The following ANK3 variants were observed in gnomAD, a reference collection of about 807,000 sequenced individuals.
ANK3 encodes ankyrin-3.
A neutral mutation model predicts 370.9 loss-of-function variants in ANK3; 57 were observed. The ratio of observed to expected loss-of-function variants is 0.15; its 90% confidence interval spans 0.12 to 0.19. ANK3 has a LOEUF of 0.19. Ranked by LOEUF, ANK3 falls within the 10% of genes least tolerant of loss-of-function variation. ANK3 has a pLI of 1.00. For synonymous variants in ANK3, 1,929 were observed against 1,946.3 expected, an observed-to-expected ratio of 0.99 and a Z score of 0.23; for missense variants, 4,439 against 5,302.1, an observed-to-expected ratio of 0.84 and a Z score of 5.06.
intron 2 of ANK3, among the ~76,000 whole-genome samples, chr10:60,458,399 T>C (rs1340386658): frequency 6.6e-6 from 1 of 152,090 alleles, no homozygotes; most frequent in African/African-American, 2.4e-5. Context: ...CTGGTACACC[T>C]TAGGTTACTG....
intron 40 of ANK3, 65 bp from the exon 41 acceptor site, chr10:60,059,495 TTC>T (rs2079906388): frequency 7.1e-7 from 1 of 1,403,766 alleles, no homozygotes; most frequent in African/African-American, 1.4e-5. Flanking sequence ...GTACTTTTTC[TTC>T]TGTCATCTCC....
intron 23 of ANK3, among the ~76,000 whole-genome samples, chr10:60,161,351 T>A (rs1016547669): frequency 1.3e-5 from 2 of 151,944 alleles, no homozygotes; most frequent in Non-Finnish European, 2.9e-5. Flanking sequence ...AAGAATAGAA[T>A]ACCATATGAT....
At chr10:60,632,912 A>AC (rs2078504154) in intron 1 of ANK3, among the ~76,000 whole-genome samples, 4 of 88,948 alleles carry the variant, frequency 4.5e-5, no homozygotes, top group African/African-American at 1.0e-4. Context: ...ACAAAAAAAA[A>AC]ACCATACTTA....
intron 1 of ANK3, among the ~76,000 whole-genome samples, chr10:60,692,482 C>T (rs745337826): frequency 5.3e-5 from 8 of 152,154 alleles, no homozygotes; most frequent in Admixed American, 3.3e-4. Context: ...CTAGTTTTCC[C>T]TAAAACTGAT....
rs556322022 is a variant in ANK3, at chr10:60,688,083, C to CT, written c.57+45179dup. 1.4e-3 allele frequency among the ~76,000 whole-genome samples: 202 copies of CT among 147,202 alleles called. No individual in the cohort carries two copies. In the South Asian group the frequency reaches 0.019, roughly 14 times the overall value. The stretch of plus-strand genomic sequence containing the variant: ...GGAGAGGAAAATGAAGAATTACTAA[C>CT]TTTTTTTTTTTTGAGACCTTTCCTT... On this transcript the variant is annotated intron_variant, in intron 1 of 43. Transcript: ENST00000373827.
Position 60,073,518 on chromosome 10 carries a change from C to G in ANK3, c.7363G>C (p.Glu2455Gln), listed in dbSNP as rs797045237. ...SIEYHDDELS[E>Q]LRGESYRFAE... is the part of the protein sequence containing the mutation. ...AACCTGTAAGACTCCCCTCTTAGTT[C>G]TGACAACTCATCGTCATGGTATTCT... is the stretch of plus-strand genomic sequence containing the variant. Residue 2455 changes from glutamate (E) to glutamine (Q), a missense_variant, in exon 37 of 44, where the codon GAA becomes CAA. By Grantham distance (29) the Glu-to-Gln change is conservative (BLOSUM62 2). Coordinates refer to ENST00000280772, the MANE Select transcript of ANK3 (RefSeq NM_020987.5). 2 of 1,614,062 alleles carry G rather than the reference C, an allele frequency of 1.2e-6. No homozygotes were observed. Among genetic ancestry groups the G allele is most frequent in the Non-Finnish European group, 1.7e-6 (2 of 1,179,998 alleles).
At chr10:60,605,153 C>A (rs1188568483) in intron 2 of ANK3, among the ~76,000 whole-genome samples, 3 of 151,648 alleles carry the variant, frequency 2.0e-5, no homozygotes, top group Non-Finnish European at 4.4e-5. Flanking sequence ...GCCTGGTAAA[C>A]GTGATCAGTA....
Position 60,492,721 on chromosome 10 carries a change from A to AAAAG in ANK3, c.96+122461_96+122464dup, listed in dbSNP as rs1208590920. Among the ~76,000 whole-genome samples the AAAAG allele has an allele frequency of 2.8e-5, 4 of 141,882 alleles. No homozygotes were observed. In the East Asian group the frequency reaches 8.1e-4, roughly 29 times the overall value. The allele number at this position is 141,882 out of a possible 152,430, so 93.1% of individuals were successfully genotyped here. A position where few individuals can be genotyped will look rare whatever the true frequency, so the allele number is the denominator to read the frequency against. On this transcript the variant is annotated intron_variant, in intron 2 of 43. Coordinates refer to the ANK3 transcript ENST00000373827. ...GACTCTGTCTCAAAAAAAAAAAAAA[A>AAAAG]AAAGAAAGAAAGAAAGAAAAAAAAA...
rs1317592425 is a variant in ANK3, at chr10:60,701,033, G to T, written c.57+32230C>A. On this transcript the variant is annotated intron_variant, in intron 1 of 43. Transcript: ENST00000373827. ...ATATGATTTACATCACAAATGAAGG[G>T]ATTATTTGTTATACATAAATAATTT... 2.6e-5 allele frequency among the ~76,000 whole-genome samples: 4 copies of T among 151,808 alleles called. No individual in the cohort carries two copies. The East Asian group carries it at 5.8e-4, about 22-fold the overall frequency.
intron 1 of ANK3, among the ~76,000 whole-genome samples, chr10:60,699,553 T>G (rs2079518046): frequency 6.6e-6 from 1 of 152,068 alleles, no homozygotes; most frequent in African/African-American, 2.4e-5. Flanking sequence ...TTAAAGCCTA[T>G]GTTCATAGAA....
rs1236918098 is a variant in ANK3, at chr10:60,696,766, G to A, written c.57+36497C>T. 4.1e-5 allele frequency among the ~76,000 whole-genome samples: 6 copies of A among 145,020 alleles called. No homozygotes were observed. In the East Asian group the frequency reaches 1.2e-3, roughly 29 times the overall value. On this transcript the variant is annotated intron_variant, in intron 1 of 43. Coordinates refer to the ANK3 transcript ENST00000373827. The stretch of plus-strand genomic sequence containing the variant: ...TGGGACGTATTTCAAAATAATAAGA[G>A]CTATCTATGACAAACCCACAGCCAA...
At position 60,076,184 on chromosome 10, in the gene ANK3, T is replaced by C. The variant is rs759776534; in HGVS notation, c.4697A>G (p.Asp1566Gly). Residue 1566 changes from aspartate to glycine, a missense_variant, in exon 37 of 44, where the codon GAC becomes GGC. Coordinates refer to ENST00000280772, the MANE Select transcript of ANK3 (RefSeq NM_020987.5). The part of the protein sequence containing the change: ...STTSSVKSIS[D>G]VASPIRSFRT... ...AAAGGATCTAATTGGAGATGCCACGTCACTAATGGATTTAACTGAAGATGT... is the reference window on the plus strand; with the variant it reads ...AAAGGATCTAATTGGAGATGCCACGCCACTAATGGATTTAACTGAAGATGT... 6.2e-7 allele frequency: 1 copy of C among 1,614,188 alleles called. No homozygotes were observed. Among genetic ancestry groups the C allele is most frequent in the Admixed American group, 1.7e-5 (1 of 60,026 alleles).
At chr10:60,469,222 C>CAT (rs200328744) in intron 2 of ANK3, among the ~76,000 whole-genome samples, 205 of 10,514 alleles carry the variant, frequency 0.019, 39 homozygotes, top group Non-Finnish European at 0.029. Context: ...ACTTTTAGTG[C>CAT]ATATATATAT....
rs1391268031 is a variant in ANK3 at position 60,389,753 on chromosome 10, C to G, written c.-215G>C. ...TCCGGACTTCATCCTACACCTTCCT[C>G]TACCTGAACCTTTACAGGAGAGTGC... is the stretch of plus-strand genomic sequence containing the variant. On this transcript the variant is annotated 5_prime_UTR_variant, in exon 1 of 44. Coordinates refer to ENST00000280772, the MANE Select transcript of ANK3 (RefSeq NM_020987.5). 7.1e-7 allele frequency: 1 copy of G among 1,401,218 alleles called. No individual in the cohort carries two copies. The highest frequency in any genetic ancestry group is 1.5e-5 in the African/African-American group (1 of 68,826). 86.8% of individuals were successfully genotyped at this position (1,401,218 alleles called of 1,614,324 possible).
chr10:60,638,944 A>G (rs1363976088), intron 1 of ANK3, among the ~76,000 whole-genome samples: 1 of 150,658 alleles, frequency 6.6e-6, no homozygotes, highest in East Asian at 1.9e-4. Flanking sequence ...GAAAGGGGGG[A>G]GAAGTACAAA....
chr10:60,101,129 T>C lies in ANK3; in HGVS notation c.3328+4776A>G, dbSNP rs1426974595. Among the ~76,000 whole-genome samples the C allele has an allele frequency of 2.0e-5, 3 of 152,176 alleles. No homozygotes were observed. In the East Asian group the frequency reaches 5.8e-4, roughly 29 times the overall value. On this transcript the variant is annotated intron_variant, in intron 28 of 43. Coordinates refer to ENST00000280772, the MANE Select transcript of ANK3 (RefSeq NM_020987.5). ...AATGTGTAACCAATGTAAAAATTAATAATGAGATATGTATTTGGAGGAGGG... is the reference window on the plus strand; with the variant it reads ...AATGTGTAACCAATGTAAAAATTAACAATGAGATATGTATTTGGAGGAGGG...
intron 1 of ANK3, among the ~76,000 whole-genome samples, chr10:60,320,297 C>A (rs1279263581): frequency 2.6e-5 from 4 of 152,098 alleles, no homozygotes; most frequent in African/African-American, 9.7e-5. Context: ...GTCTTGTATT[C>A]AAAAAAGCAC....
chr10:60,599,179 C>T (rs1750359071), intron 2 of ANK3, among the ~76,000 whole-genome samples: 1 of 152,232 alleles, frequency 6.6e-6, no homozygotes, highest in African/African-American at 2.4e-5. Flanking sequence ...GATCCTCTCC[C>T]CTTGGCCTCC....
At chr10:60,085,835 C>T (rs1589773726) in intron 30 of ANK3, among the ~76,000 whole-genome samples, 2 of 152,152 alleles carry the variant, frequency 1.3e-5, no homozygotes, top group African/African-American at 2.4e-5. Flanking sequence ...AGGCTGGTCT[C>T]GAACTCCTGA....
Sources: gnomAD v4.1 joint callset for allele counts (sites outside exome capture counted in the v4.1 genomes callset) on GRCh38, gnomAD v4.1.1 for gene constraint, MANE v1.5 for transcripts, NCBI Gene and HGNC (gene_info 2026-07-23, HGNC 2026-07-21) for gene names.